TRIM2: variants seen among roughly 807,000 people sequenced by gnomAD.
TRIM2 encodes tripartite motif-containing protein 2.
In TRIM2, 20 loss-of-function variants were observed where a neutral mutation model predicts 75.2. That is an observed-to-expected ratio of 0.27 (90% CI 0.19 to 0.39). The LOEUF (loss-of-function observed/expected upper bound fraction) is 0.39. Ranked by LOEUF, TRIM2 falls within the 10% of genes least tolerant of loss-of-function variation. The probability of loss-of-function intolerance (pLI) is 1.00; values close to 1 mark genes in which losing one functional copy is unlikely to be tolerated. For synonymous variants in TRIM2, 373 were observed against 388.3 expected (o/e 0.96, Z 0.46); for missense variants, 660 against 990.8 (o/e 0.67, Z 4.48).
chr4:153,162,468 A>G (rs1328901343), intron 1 of TRIM2, among the ~76,000 whole-genome samples: 1 of 152,170 alleles, frequency 6.6e-6, no homozygotes. Context: ...TTACACAGGA[A>G]AGCATTCATC....
chr4:153,219,754 G>T (rs1315453397), intron 1 of TRIM2, among the ~76,000 whole-genome samples: 1 of 152,184 alleles, frequency 6.6e-6, no homozygotes. Flanking sequence ...TCTGGTCCCA[G>T]CTACTCGGCA....
chr4:153,315,888 G>A lies in TRIM2; in HGVS notation c.1671G>A (p.Pro557=), dbSNP rs150231451. The A allele has an allele frequency of 9.3e-6, 15 of 1,613,930 alleles. No individual in the cohort carries two copies. The highest frequency in any genetic ancestry group is 1.3e-5 in the African/African-American group (1 of 74,880). ...KSRFGIRGRS[P]GQLQRPTGVA... ...GTTTTGGCATACGGGGACGCTCTCC[G>A]GGGCAGCTGCAGCGGCCCACAGGAG... is the stretch of plus-strand genomic sequence containing the variant. Residue 557 remains proline, a synonymous_variant, in exon 8 of 12, where the codon CCG becomes CCA. Transcript: ENST00000338700.
At chr4:153,171,374 T>C (rs377231969) in intron 1 of TRIM2, among the ~76,000 whole-genome samples, 3 of 152,050 alleles carry the variant, frequency 2.0e-5, no homozygotes, top group Non-Finnish European at 2.9e-5. Context: ...TCACCTGAGG[T>C]TGGGAGTTCC....
intron 1 of TRIM2, among the ~76,000 whole-genome samples, chr4:153,211,488 C>CTTTTTTT (rs112668688): frequency 1.2e-4 from 16 of 135,034 alleles, no homozygotes; most frequent in Admixed American, 2.3e-4. Context: ...TTTTCTTTTT[C>CTTTTTTT]TTTTTTTTTT....
At chr4:153,158,807 G>A (rs1489220636) in intron 1 of TRIM2, among the ~76,000 whole-genome samples, 1 of 152,156 alleles carries the variant, frequency 6.6e-6, no homozygotes, top group Admixed American at 6.5e-5. Context: ...GAACTGGAAA[G>A]GTAAGCCGAG....
At chr4:153,245,511 G>T (rs916670584) in intron 1 of TRIM2, among the ~76,000 whole-genome samples, 1 of 152,238 alleles carries the variant, frequency 6.6e-6, no homozygotes, top group South Asian at 2.1e-4. Context: ...TGTACAACCA[G>T]TGAGCTAATG....
At chr4:153,218,361 C>T (rs979045567) in intron 1 of TRIM2, among the ~76,000 whole-genome samples, 15 of 152,136 alleles carry the variant, frequency 9.9e-5, no homozygotes, top group African/African-American at 3.6e-4. Flanking sequence ...GCATGCACCA[C>T]CACACTCAGC....
chr4:153,281,392 G>T (rs1386858010), intron 3 of TRIM2, among the ~76,000 whole-genome samples: 3 of 152,210 alleles, frequency 2.0e-5, no homozygotes, highest in African/African-American at 7.2e-5. Context: ...ATCTAAATGT[G>T]CAACATTAGG....
At chr4:153,261,520 G>A (rs1281665689) in intron 1 of TRIM2, among the ~76,000 whole-genome samples, 1 of 152,148 alleles carries the variant, frequency 6.6e-6, no homozygotes, top group East Asian at 1.9e-4. Context: ...TAGACTGTAG[G>A]AATGTAATTG....
rs541372026 is a variant in TRIM2, at chr4:153,328,432, G to C, written c.2023-98G>C. The C allele has an allele frequency of 6.0e-5, 67 of 1,119,724 alleles. No homozygotes were observed. The African/African-American group carries it at 1.0e-3, about 17-fold the overall frequency. The allele number at this position is 1,119,724 out of a possible 1,614,324, so 69.4% of individuals were successfully genotyped here. On this transcript the variant is annotated intron_variant, in intron 10 of 11. Coordinates refer to ENST00000338700, the MANE Select transcript of TRIM2 (RefSeq NM_015271.5). ...TAGAATGTCTTAAATGATAAGTCTT[G>C]TTATAAATAACCTGCTCAAATAGAT...
intron 1 of TRIM2, among the ~76,000 whole-genome samples, chr4:153,188,485 AC>A (rs980371856): frequency 2.6e-5 from 4 of 152,082 alleles, no homozygotes; most frequent in South Asian, 4.2e-4. Flanking sequence ...CCATAAAAAA[AC>A]AAAAGCAAAA....
chr4:153,266,639 C>T (rs1755194317), intron 1 of TRIM2, among the ~76,000 whole-genome samples: 1 of 131,420 alleles, frequency 7.6e-6, no homozygotes, highest in Non-Finnish European at 1.5e-5. Context: ...CTGTGCCCGA[C>T]CTTTTTTTTT....
At position 153,307,810 on chromosome 4, in the gene TRIM2, T is replaced by G. The variant is rs570060803; in HGVS notation, c.1511-7675T>G. 7.0e-5 allele frequency: 51 copies of G among 727,892 alleles called. No individual in the cohort carries two copies. In the African/African-American group the frequency reaches 7.4e-4, roughly 11 times the overall value. 45.1% of individuals were successfully genotyped at this position (727,892 alleles called of 1,614,324 possible). The stretch of plus-strand genomic sequence containing the variant: ...ACAGCACCCTTAGTGTCTTGCTGGA[T>G]GTAATAGTACAGGGACTTGCTATAC... On this transcript the variant is annotated intron_variant, in intron 6 of 11. Coordinates refer to ENST00000338700, the MANE Select transcript of TRIM2 (RefSeq NM_015271.5).
intron 3 of TRIM2, among the ~76,000 whole-genome samples, chr4:153,282,613 T>G (rs908461266): frequency 2.0e-5 from 3 of 152,174 alleles, no homozygotes; most frequent in Admixed American, 2.0e-4. Context: ...TTTATTTGTT[T>G]GTTTGTTTTT....
upstream of TRIM2, among the ~76,000 whole-genome samples, chr4:153,203,136 T>C (rs886432531): frequency 2.6e-5 from 4 of 151,142 alleles, no homozygotes; most frequent in Non-Finnish European, 5.9e-5. Context: ...AAGTGGAATT[T>C]AGTTAAGTTT....
intron 1 of TRIM2, among the ~76,000 whole-genome samples, chr4:153,249,913 C>T (rs28516850): frequency 0.31 from 47,219 of 152,028 alleles, 7,660 homozygotes; most frequent in African/African-American, 0.39. Flanking sequence ...GATTACATTC[C>T]GGGTATACTC....
chr4:153,319,028 A>T (rs1359143458), intron 8 of TRIM2, among the ~76,000 whole-genome samples: 1 of 152,248 alleles, frequency 6.6e-6, no homozygotes, highest in Non-Finnish European at 1.5e-5. Flanking sequence ...GAGTTCATCC[A>T]AGTGGAATAT....
rs1384942501 is a variant in TRIM2, at chr4:153,283,514, A to G, written c.453+7384A>G. On this transcript the variant is annotated intron_variant, in intron 3 of 11. Coordinates refer to ENST00000338700, the MANE Select transcript of TRIM2 (RefSeq NM_015271.5). Reference sequence around the variant, plus strand: ...TGTTATGAATAATGCTGCTGTGAACATTCATGTACATGTTTTTGTGTAGAC... The same window carrying G: ...TGTTATGAATAATGCTGCTGTGAACGTTCATGTACATGTTTTTGTGTAGAC... Among the ~76,000 whole-genome samples the G allele has an allele frequency of 2.6e-5, 4 of 152,296 alleles. No homozygotes were observed. The East Asian group carries it at 5.8e-4, about 22-fold the overall frequency.
chr4:153,229,086 T>A (rs1490927311), intron 1 of TRIM2, among the ~76,000 whole-genome samples: 1 of 152,180 alleles, frequency 6.6e-6, no homozygotes, highest in African/African-American at 2.4e-5. Flanking sequence ...TACTCTAAAG[T>A]CTCTGCTTAA....
Sources: gnomAD v4.1 joint callset for allele counts (sites outside exome capture counted in the v4.1 genomes callset) on GRCh38, gnomAD v4.1.1 for gene constraint, MANE v1.5 for transcripts, NCBI Gene and HGNC (gene_info 2026-07-23, HGNC 2026-07-21) for gene names.